The following CYRIA variants were observed in gnomAD, a reference collection of about 807,000 sequenced individuals.
The protein encoded by CYRIA is CYFIP related Rac1 interactor A, also known as CYFIP-related Rac1 interactor A.
CYRIA carries 15 observed loss-of-function variants against 43.9 expected under a neutral mutation model. That is an observed-to-expected ratio of 0.34 (90% CI 0.23 to 0.53). CYRIA has a LOEUF of 0.53. Among genes scored for constraint, CYRIA ranks in the 20% least tolerant of loss-of-function variants. The pLI is 0.94. For synonymous variants in CYRIA, 117 were observed against 136.0 expected, an observed-to-expected ratio of 0.86 and a Z score of 0.97; for missense variants, 236 against 394.2, an observed-to-expected ratio of 0.60 and a Z score of 3.40.
intron 2 of CYRIA, among the ~76,000 whole-genome samples, chr2:16,611,715 G>A (rs1226737975): frequency 3.5e-5 from 5 of 142,718 alleles, no homozygotes; most frequent in African/African-American, 5.0e-5. Context: ...GAAGAAAGGA[G>A]CCCAACGTCC....
chr2:16,568,296 T>C (rs1043720668), intron 3 of CYRIA, among the ~76,000 whole-genome samples: 6 of 150,228 alleles, frequency 4.0e-5, no homozygotes, highest in African/African-American at 1.5e-4. Context: ...GGATAAGGGG[T>C]ATTCAACCTG....
intron 2 of CYRIA, among the ~76,000 whole-genome samples, chr2:16,613,759 A>G (rs546039899): frequency 1.3e-5 from 2 of 152,340 alleles, no homozygotes; most frequent in Non-Finnish European, 2.9e-5. Context: ...CATCCTGAAT[A>G]TTTTCTAAAC....
intron 2 of CYRIA, among the ~76,000 whole-genome samples, chr2:16,607,927 C>G (rs1040567054): frequency 3.3e-5 from 5 of 152,124 alleles, no homozygotes; most frequent in Admixed American, 6.6e-5. Context: ...CATACTGTTC[C>G]TTTTGCCTTG....
chr2:16,581,913 CATT>C (rs1461894474), intron 3 of CYRIA, among the ~76,000 whole-genome samples: 4 of 152,230 alleles, frequency 2.6e-5, no homozygotes, highest in South Asian at 2.1e-4. Context: ...ATGTCAAAAA[CATT>C]ATATTGAGTG....
At chr2:16,631,276 G>T (rs1395215190) in intron 1 of CYRIA, among the ~76,000 whole-genome samples, 5 of 152,214 alleles carry the variant, frequency 3.3e-5, no homozygotes, top group Non-Finnish European at 5.9e-5. Flanking sequence ...ATTGTAACTA[G>T]CCCAGAGCCC....
rs1466418089 is a variant in CYRIA, at chr2:16,650,046, T to A, written c.-167+15734A>T. On this transcript the variant is annotated intron_variant, in intron 1 of 11. Transcript: ENST00000381323. The surrounding 1 kb of genome is among the most constrained non-coding windows in gnomAD (Gnocchi z 4.1). Reference sequence around the variant, plus strand: ...CACATTCCAAGAAGCACACACCCCCTCAGCCCAGGTTCCAGAATGAGAAGA... The same window carrying A: ...CACATTCCAAGAAGCACACACCCCCACAGCCCAGGTTCCAGAATGAGAAGA... 1.3e-5 allele frequency among the ~76,000 whole-genome samples: 2 copies of A among 152,114 alleles called. No homozygotes were observed. Among genetic ancestry groups the A allele is most frequent in the Non-Finnish European group, 2.9e-5 (2 of 68,022 alleles).
chr2:16,553,258 C>T lies in CYRIA; in HGVS notation c.909-259G>A, dbSNP rs184212255. On this transcript the variant is annotated intron_variant, in intron 11 of 11. Transcript: ENST00000381323. ...GAGGAGATATGAGCGGTCTCATTTT[C>T]TAGGGAGGTGGATTTCACAGGATTG... Among the ~76,000 whole-genome samples, 439 of 152,194 alleles carry T rather than the reference C, an allele frequency of 2.9e-3. 5 individuals are homozygous for T. The highest frequency in any genetic ancestry group is 0.01 in the African/African-American group (431 of 41,538).
chr2:16,574,041 G>T (rs1346177698), intron 3 of CYRIA, among the ~76,000 whole-genome samples: 2 of 152,186 alleles, frequency 1.3e-5, no homozygotes, highest in Non-Finnish European at 2.9e-5. Flanking sequence ...GAACTCCCTA[G>T]AGACTTGCTG....
chr2:16,604,616 T>TA (rs1289982965), intron 2 of CYRIA, among the ~76,000 whole-genome samples: 2 of 152,242 alleles, frequency 1.3e-5, no homozygotes, highest in African/African-American at 2.4e-5. Flanking sequence ...TAGGTGGTGT[T>TA]AAAAAATACT....
intron 2 of CYRIA, among the ~76,000 whole-genome samples, chr2:16,590,068 GCACACACACACACACA>G (rs70961461): frequency 5.4e-5 from 8 of 147,806 alleles, no homozygotes; most frequent in African/African-American, 1.7e-4. Flanking sequence ...GGGCATGCAT[GCACACACACACACACA>G]CACACACACA....
At chr2:16,607,052 A>G (rs1411759966) in intron 2 of CYRIA, among the ~76,000 whole-genome samples, 6 of 152,238 alleles carry the variant, frequency 3.9e-5, no homozygotes, top group Non-Finnish European at 7.3e-5. Flanking sequence ...AATCTCAAGC[A>G]TCAAGAATGT....
At chr2:16,611,512 G>A (rs980094152) in intron 2 of CYRIA, among the ~76,000 whole-genome samples, 1 of 152,228 alleles carries the variant, frequency 6.6e-6, no homozygotes, top group Non-Finnish European at 1.5e-5. Context: ...CTATAATGGG[G>A]AGGAAGACTC....
At chr2:16,616,824 A>G (rs1668811697) in intron 2 of CYRIA, among the ~76,000 whole-genome samples, 1 of 152,178 alleles carries the variant, frequency 6.6e-6, no homozygotes, top group Non-Finnish European at 1.5e-5. Context: ...TGATCCCAGA[A>G]CCCTTACAAG....
chr2:16,557,716 T>C (rs956830244), intron 10 of CYRIA, among the ~76,000 whole-genome samples: 2 of 152,248 alleles, frequency 1.3e-5, no homozygotes, highest in African/African-American at 4.8e-5. Context: ...ATATACTGTT[T>C]ACAGCCTCAA....
At chr2:16,591,250 G>C (rs1434624936) in intron 2 of CYRIA, among the ~76,000 whole-genome samples, 3 of 152,102 alleles carry the variant, frequency 2.0e-5, no homozygotes, top group Non-Finnish European at 4.4e-5. Context: ...GAGAGTAAAA[G>C]TGAAGTAGTA....
chr2:16,630,228 T>C (rs1371632835), intron 1 of CYRIA, among the ~76,000 whole-genome samples: 2 of 152,170 alleles, frequency 1.3e-5, no homozygotes, highest in African/African-American at 4.8e-5. Context: ...GGCTGAGTGA[T>C]GAGCTCTGGG....
chr2:16,584,677 C>G (rs1361181828), intron 3 of CYRIA, among the ~76,000 whole-genome samples: 2 of 152,292 alleles, frequency 1.3e-5, no homozygotes, highest in South Asian at 2.1e-4. Context: ...TTCTCTCCAG[C>G]AAGCATTTGG....
intron 3 of CYRIA, among the ~76,000 whole-genome samples, chr2:16,578,097 G>A (rs1667415133): frequency 6.6e-6 from 1 of 152,220 alleles, no homozygotes; most frequent in Non-Finnish European, 1.5e-5. Context: ...GAAGCCTGAA[G>A]ATGTGACAGG....
At chr2:16,645,597 G>C (rs892224119) in intron 1 of CYRIA, among the ~76,000 whole-genome samples, 11 of 152,220 alleles carry the variant, frequency 7.2e-5, no homozygotes, top group Admixed American at 5.9e-4. Context: ...TGGAAAAGGA[G>C]ATGGGATATT....
Sources: allele counts gnomAD v4.1 joint callset (sites outside exome capture counted in the v4.1 genomes callset), GRCh38; gene constraint gnomAD v4.1.1; non-coding constraint Gnocchi (gnomAD v3.1); transcripts MANE v1.5; gene names NCBI Gene and HGNC (gene_info 2026-07-23, HGNC 2026-07-21).